Variants in MACROD2 observed in about 807,000 individuals in gnomAD.
The protein encoded by MACROD2 is mono-ADP ribosylhydrolase 2, also known as ADP-ribose glycohydrolase MACROD2.
Under a neutral mutation model 70.4 loss-of-function variants are expected in MACROD2, and 36 were observed. The ratio of observed to expected loss-of-function variants is 0.51; its 90% CI spans 0.39 to 0.68. MACROD2 has a LOEUF of 0.68. MACROD2 is among the 30% of genes least tolerant of loss of function. The pLI is 0.00. For synonymous variants in MACROD2, 172 were observed against 178.8 expected (o/e 0.96, Z 0.30); for missense variants, 496 against 538.4 (o/e 0.92, Z 0.78).
At chr20:15,636,071 C>CAAAAAAAAAAAAA (rs1178846767) in intron 8 of MACROD2, among the ~76,000 whole-genome samples, 15 of 27,874 alleles carry the variant, frequency 5.4e-4, no homozygotes, top group East Asian at 2.4e-3. Flanking sequence ...GGCTCCCTCT[C>CAAAAAAAAAAAAA]AAAAGAAAAA....
chr20:15,739,398 C>A lies in MACROD2; in HGVS notation c.646-123347C>A, dbSNP rs150084721. Among the ~76,000 whole-genome samples the A allele has an allele frequency of 2.6e-3, 391 of 152,246 alleles. 4 individuals carry two copies. The highest frequency in any genetic ancestry group is 4.6e-3 in the Admixed American group (70 of 15,288). ...AAATTCAGTTTCTACCCAGAGAGAA[C>A]ACATTCTGTGAGAAGAGAGCCAGAC... is the stretch of plus-strand genomic sequence containing the variant. On this transcript the variant is annotated intron_variant, in intron 8 of 17. Coordinates refer to ENST00000684519, the MANE Select transcript of MACROD2 (RefSeq NM_001351661.2).
rs530152401 is a variant in MACROD2 at position 14,709,030 on chromosome 20, T to C, written c.418+24071T>C. On this transcript the variant is annotated intron_variant, in intron 5 of 17. Coordinates refer to ENST00000684519, the MANE Select transcript of MACROD2 (RefSeq NM_001351661.2). ...GTGGGTTGATGTGAGCAGTCTTCTTTGACTTTGTTTTATAGCCAAGAGTTC... is the reference window on the plus strand; with the variant it reads ...GTGGGTTGATGTGAGCAGTCTTCTTCGACTTTGTTTTATAGCCAAGAGTTC... 1.2e-3 allele frequency among the ~76,000 whole-genome samples: 181 copies of C among 152,172 alleles called. 2 individuals carry two copies. The highest frequency in any genetic ancestry group is 3.2e-3 in the Middle Eastern group (1 of 316).
At chr20:14,382,492 A>G (rs2122776741) in intron 3 of MACROD2, among the ~76,000 whole-genome samples, 1 of 150,710 alleles carries the variant, frequency 6.6e-6, no homozygotes, top group East Asian at 2.0e-4. Context: ...AACGTGGAGA[A>G]ACCCTGTCTC....
chr20:15,604,302 T>C (rs987038626), intron 8 of MACROD2, among the ~76,000 whole-genome samples: 1 of 152,238 alleles, frequency 6.6e-6, no homozygotes, highest in Non-Finnish European at 1.5e-5. Context: ...CCATCTTTTC[T>C]CCCTCTGGCT....
At chr20:14,284,898 G>T (rs1601435223) in intron 3 of MACROD2, among the ~76,000 whole-genome samples, 1 of 152,140 alleles carries the variant, frequency 6.6e-6, no homozygotes, top group Non-Finnish European at 1.5e-5. Context: ...TACATTATTA[G>T]ACATTATTAT....
chr20:14,544,110 A>C (rs1236772641), intron 4 of MACROD2, among the ~76,000 whole-genome samples: 1 of 152,188 alleles, frequency 6.6e-6, no homozygotes, highest in African/African-American at 2.4e-5. Context: ...CATTAAGTGG[A>C]GGAATGTTCC....
At chr20:14,162,591 A>G (rs1330698760) in intron 3 of MACROD2, among the ~76,000 whole-genome samples, 1 of 152,072 alleles carries the variant, frequency 6.6e-6, no homozygotes, top group African/African-American at 2.4e-5. Flanking sequence ...CTCTTGTGGA[A>G]TTGATCTCTT....
intron 8 of MACROD2, among the ~76,000 whole-genome samples, chr20:15,842,677 G>A (rs1715201062): frequency 6.6e-6 from 1 of 151,252 alleles, no homozygotes; most frequent in Non-Finnish European, 1.5e-5. Flanking sequence ...AAAGATGGAT[G>A]TACGGATAGA....
chr20:15,248,811 G>T (rs1021016700), intron 6 of MACROD2, among the ~76,000 whole-genome samples: 1 of 152,092 alleles, frequency 6.6e-6, no homozygotes, highest in Non-Finnish European at 1.5e-5. Flanking sequence ...GTCATCTCTT[G>T]CAGTCCTGTA....
rs1312226727 is a variant in MACROD2, at chr20:15,233,983, T to TTATATATATA, written c.540+3940_540+3949dup. ...AAAATTTATTTTTATATATATTTAT[T>TTATATATATA]TATATATATATATATATATATATAT... On this transcript the variant is annotated intron_variant, in intron 6 of 17. Transcript: ENST00000684519. Among the ~76,000 whole-genome samples, 54 of 44,002 alleles carry TTATATATATA rather than the reference T, an allele frequency of 1.2e-3. 2 individuals are homozygous for TTATATATATA. Among genetic ancestry groups the TTATATATATA allele is most frequent in the African/African-American group, 3.8e-3 (42 of 11,076 alleles). 28.9% of individuals were successfully genotyped at this position (44,002 alleles called of 152,430 possible).
At chr20:15,635,305 G>A (rs780223038) in intron 8 of MACROD2, among the ~76,000 whole-genome samples, 6 of 152,196 alleles carry the variant, frequency 3.9e-5, no homozygotes, top group Non-Finnish European at 7.4e-5. Context: ...AGTTCATAAA[G>A]CTAACGAATG....
chr20:14,819,149 C>T (rs1413223012), intron 5 of MACROD2, among the ~76,000 whole-genome samples: 2 of 151,478 alleles, frequency 1.3e-5, no homozygotes, highest in Admixed American at 6.6e-5. Context: ...ATCTGTAATC[C>T]CAGCTACTTG....
intron 2 of MACROD2, among the ~76,000 whole-genome samples, chr20:14,023,587 A>G (rs2053117696): frequency 2.0e-5 from 3 of 152,172 alleles, no homozygotes; most frequent in Admixed American, 2.0e-4. Flanking sequence ...ATAAGGTGTA[A>G]GGAAGGGGTC....
chr20:15,943,966 G>A (rs958203872), intron 12 of MACROD2, among the ~76,000 whole-genome samples: 5 of 152,012 alleles, frequency 3.3e-5, no homozygotes, highest in African/African-American at 1.2e-4. Flanking sequence ...CAATAATACT[G>A]TGAATATTTG....
intron 5 of MACROD2, among the ~76,000 whole-genome samples, chr20:14,728,423 CA>C (rs143655451): frequency 0.044 from 6,657 of 152,164 alleles, 423 homozygotes; most frequent in African/African-American, 0.13. Context: ...CTAAGATATG[CA>C]ATTTTATATA....
At chr20:15,623,601 C>G (rs1042917812) in intron 8 of MACROD2, among the ~76,000 whole-genome samples, 3 of 152,142 alleles carry the variant, frequency 2.0e-5, no homozygotes, top group African/African-American at 7.2e-5. Flanking sequence ...ACGCTATGGG[C>G]TTTGCCATTC....
intron 3 of MACROD2, among the ~76,000 whole-genome samples, chr20:14,347,710 A>G (rs184683903): frequency 1.3e-5 from 2 of 152,294 alleles, no homozygotes; most frequent in East Asian, 3.9e-4. Flanking sequence ...TTCCTTGGCT[A>G]AGAAAGGGTC....
chr20:15,652,710 T>C (rs573037298), intron 8 of MACROD2, among the ~76,000 whole-genome samples: 1 of 152,268 alleles, frequency 6.6e-6, no homozygotes, highest in East Asian at 1.9e-4. Flanking sequence ...ACTTTGACTT[T>C]TGTGGTTTCC....
At chr20:15,139,481 A>T (rs958423813) in intron 5 of MACROD2, among the ~76,000 whole-genome samples, 2 of 152,168 alleles carry the variant, frequency 1.3e-5, no homozygotes, top group African/African-American at 4.8e-5. Flanking sequence ...ACAAATAGTG[A>T]ACATGCGTAA....
Sources: gnomAD v4.1 joint callset for allele counts (sites outside exome capture counted in the v4.1 genomes callset) on GRCh38, gnomAD v4.1.1 for gene constraint, MANE v1.5 for transcripts, NCBI Gene and HGNC (gene_info 2026-07-23, HGNC 2026-07-21) for gene names.